The following LHX1 variants were observed in gnomAD, a reference collection of about 807,000 sequenced individuals.
The protein encoded by LHX1 is LIM/homeobox protein Lhx1.
In LHX1, 9 loss-of-function variants were observed where a neutral mutation model predicts 34.1. That is an observed-to-expected ratio of 0.26 (90% CI 0.16 to 0.46). The LOEUF is 0.46. LHX1 is among the 20% of genes least tolerant of loss of function. LHX1 has a pLI of 1.00. For missense variants in LHX1, 446 were observed against 559.1 expected, an observed-to-expected ratio of 0.80 and a Z score of 2.04; for synonymous variants, 254 against 241.5, an observed-to-expected ratio of 1.05 and a Z score of -0.48.
Position 36,943,308 on chromosome 17 carries a change from C to A in LHX1, c.*177C>A. The A allele has an allele frequency of 1.3e-6, 1 of 773,574 alleles. No individual in the cohort carries two copies. The highest frequency in any genetic ancestry group is 2.0e-6 in the Non-Finnish European group (1 of 509,366). 47.9% of individuals were successfully genotyped at this position (773,574 alleles called of 1,614,324 possible). A position where few individuals can be genotyped will look rare whatever the true frequency, so the allele number is the denominator to read the frequency against. Reference sequence around the variant, plus strand: ...GGGGGACACGAAATAGGATCCAAATCGGCCTCGAGGTGGGACTGGGATCCG... The same window carrying A: ...GGGGGACACGAAATAGGATCCAAATAGGCCTCGAGGTGGGACTGGGATCCG... On this transcript the variant is annotated 3_prime_UTR_variant, in exon 5 of 5. Transcript: ENST00000614239.
At chr17:36,940,260 C>CGGGGGGGGGG in intron 1 of LHX1, 30 bp from the exon 2 acceptor site, 1 of 382,758 alleles carries the variant, frequency 2.6e-6, no homozygotes, top group Non-Finnish European at 4.8e-6. Context: ...CCCATCCCCG[C>CGGGGGGGGGG]CCCCGCCCCC....
chr17:36,943,007 A>C lies in LHX1; in HGVS notation c.1097A>C (p.His366Pro). 1 of 1,609,750 alleles carries C rather than the reference A, an allele frequency of 6.2e-7. No homozygotes were observed. Among genetic ancestry groups the C allele is most frequent in the Non-Finnish European group, 8.5e-7 (1 of 1,178,384 alleles). The change falls in exon 5 of 5, where the codon CAC becomes CCC. Residue 366 changes from histidine (H) to proline (P), a missense_variant. Coordinates refer to ENST00000614239, the MANE Select transcript of LHX1 (RefSeq NM_005568.5). Reference sequence around the variant, plus strand: ...GAGCCCAGCCTGCCCGGGCCTCTGCACTCCATGTCGGCCGAGGTCTTCGGA... The same window carrying C: ...GAGCCCAGCCTGCCCGGGCCTCTGCCCTCCATGTCGGCCGAGGTCTTCGGA... ...SPEPSLPGPL[H>P]SMSAEVFGPS...
At chr17:36,941,205 C>A (rs545123811) in intron 3 of LHX1, 2 of 636,778 alleles carry the variant, frequency 3.1e-6, no homozygotes, top group Non-Finnish European at 5.8e-6. Context: ...ACATACCCCA[C>A]CCCACCTCGG....
Position 36,937,805 on chromosome 17 carries a change from C to G in LHX1, c.-393C>G. On this transcript the variant is annotated 5_prime_UTR_variant, in exon 1 of 5. Transcript: ENST00000614239. Reference sequence around the variant, plus strand: ...CAACCCGAGCTCGGCGAGTCGTCGTCTTCTTCTTCTCCGTTTTTATTTATT... The same window carrying G: ...CAACCCGAGCTCGGCGAGTCGTCGTGTTCTTCTTCTCCGTTTTTATTTATT... 2.1e-6 allele frequency: 1 copy of G among 486,094 alleles called. No individual in the cohort carries two copies. Among genetic ancestry groups the G allele is most frequent in the Non-Finnish European group, 4.0e-6 (1 of 247,388 alleles). The allele number at this position is 486,094 out of a possible 1,614,324, so 30.1% of individuals were successfully genotyped here.
chr17:36,937,245 G>A (rs924108476), upstream of LHX1: 5 of 451,876 alleles, frequency 1.1e-5, no homozygotes, highest in Non-Finnish European at 2.2e-5. Flanking sequence ...GGCCAGGCGC[G>A]GTGAGAAGCC....
At position 36,943,053 on chromosome 17, in the gene LHX1, GCTGT is replaced by G; in HGVS notation, c.1145_1148del (p.Leu382ArgfsTer18). On this transcript the variant is annotated frameshift_variant, in exon 5 of 5. Coordinates refer to ENST00000614239, the MANE Select transcript of LHX1 (RefSeq NM_005568.5). LOFTEE classifies it high-confidence loss of function. ...TCGGACCCAGCCCGCCCTTCTCGTC[GCTGT>G]CGGTCAACGGTGGGGCGAGCTACGG... 1 of 1,606,644 alleles carries G rather than the reference GCTGT, an allele frequency of 6.2e-7. No homozygotes were observed. The highest frequency in any genetic ancestry group is 8.5e-7 in the Non-Finnish European group (1 of 1,175,218).
Position 36,943,906 on chromosome 17 carries a change from G to C in LHX1, c.*775G>C, listed in dbSNP as rs1014388827. 1 of 141,634 alleles carries C rather than the reference G, an allele frequency of 7.1e-6. No individual in the cohort carries two copies. The highest frequency in any genetic ancestry group is 1.5e-5 in the Non-Finnish European group (1 of 66,048). The allele number at this position is 141,634 out of a possible 1,614,324, so 8.8% of individuals were successfully genotyped here. Reference sequence around the variant, plus strand: ...CTTGAACATCAGCTGTACAAGAAAAGTATTCTACCTTCACACACAAAAAGT... The same window carrying C: ...CTTGAACATCAGCTGTACAAGAAAACTATTCTACCTTCACACACAAAAAGT... On this transcript the variant is annotated 3_prime_UTR_variant, in exon 5 of 5. Coordinates refer to ENST00000614239, the MANE Select transcript of LHX1 (RefSeq NM_005568.5).
upstream of LHX1, chr17:36,937,048 A>G: frequency 3.5e-6 from 1 of 288,992 alleles, no homozygotes; most frequent in Non-Finnish European, 6.9e-6. Context: ...AAAACAAAAA[A>G]AAAAAAAGGA....
chr17:36,942,463 C>T (rs1292243580), intron 4 of LHX1, 98 bp downstream of exon 4: 6 of 1,316,620 alleles, frequency 4.6e-6, no homozygotes, highest in Middle Eastern at 5.1e-4. Context: ...CTCTGTAAGC[C>T]ACTGGAGAGT....
At chr17:36,939,713 G>T (rs1338721021) in intron 1 of LHX1, among the ~76,000 whole-genome samples, 1 of 152,228 alleles carries the variant, frequency 6.6e-6, no homozygotes, top group Non-Finnish European at 1.5e-5. Context: ...AGGCAAGAGC[G>T]TGGCGGCGGC....
Position 36,943,306 on chromosome 17 carries a change from A to G in LHX1, c.*175A>G, listed in dbSNP as rs1331021432. On this transcript the variant is annotated 3_prime_UTR_variant, in exon 5 of 5. Transcript: ENST00000614239. ...AAGGGGGACACGAAATAGGATCCAA[A>G]TCGGCCTCGAGGTGGGACTGGGATC... is the stretch of plus-strand genomic sequence containing the variant. 6 of 734,710 alleles carry G rather than the reference A, an allele frequency of 8.2e-6. No homozygotes were observed. Among genetic ancestry groups the G allele is most frequent in the Non-Finnish European group, 1.3e-5 (6 of 477,998 alleles). 45.5% of individuals were successfully genotyped at this position (734,710 alleles called of 1,614,324 possible).
At position 36,940,709 on chromosome 17, in the gene LHX1, C is replaced by A. The variant is rs1201092320; in HGVS notation, c.497C>A (p.Ala166Glu). 1 of 1,613,654 alleles carries A rather than the reference C, an allele frequency of 6.2e-7. No homozygotes were observed. The highest frequency in any genetic ancestry group is 8.5e-7 in the Non-Finnish European group (1 of 1,180,052). The change falls in exon 3 of 5, where the codon GCG (alanine) becomes GAG (glutamate). Residue 166 changes from alanine to glutamate, a missense_variant. Transcript: ENST00000614239. ...AGCGCCAACGTGTCGGACAAGGAAGCGGGTAGCAACGAGAATGACGACCAG... is the reference window on the plus strand; with the variant it reads ...AGCGCCAACGTGTCGGACAAGGAAGAGGGTAGCAACGAGAATGACGACCAG... The part of the protein sequence containing the change: ...SESANVSDKE[A>E]GSNENDDQNL...
At chr17:36,938,399 A>G (rs1300870797) in intron 1 of LHX1, 32 bp downstream of exon 1, 1 of 1,609,746 alleles carries the variant, frequency 6.2e-7, no homozygotes. Flanking sequence ...CTCTGCTGCT[A>G]CCTCCCCGCG....
At chr17:36,942,463 C>A in intron 4 of LHX1, 98 bp downstream of exon 4, 2 of 1,316,734 alleles carry the variant, frequency 1.5e-6, no homozygotes, top group Non-Finnish European at 1.1e-6. Flanking sequence ...CTCTGTAAGC[C>A]ACTGGAGAGT....
chr17:36,937,194 C>G (rs1329637468), upstream of LHX1: 2 of 453,068 alleles, frequency 4.4e-6, no homozygotes, highest in Non-Finnish European at 8.9e-6. Context: ...CGGGGCTGTG[C>G]GCCCAGGCGG....
intron 1 of LHX1, 141 bp from the exon 2 acceptor site, chr17:36,940,149 C>G (rs2070754689): frequency 1.5e-6 from 1 of 647,798 alleles, no homozygotes; most frequent in African/African-American, 1.8e-5. Flanking sequence ...TCCCTTCTTT[C>G]TGTGCTCCAT....
chr17:36,938,736 G>C, intron 1 of LHX1: 1 of 397,866 alleles, frequency 2.5e-6, no homozygotes, highest in Non-Finnish European at 4.8e-6. Flanking sequence ...CCAGGCCTTC[G>C]GGGTTGTTTG....
chr17:36,942,446 C>A, intron 4 of LHX1, 81 bp downstream of exon 4: 1 of 1,421,250 alleles, frequency 7.0e-7, no homozygotes, highest in Non-Finnish European at 9.6e-7. Flanking sequence ...GGGGGGCACG[C>A]CTCGCTCTCT....
rs2070738079 is a variant in LHX1, at chr17:36,937,869, C to T, written c.-329C>T. Reference sequence around the variant, plus strand: ...GCCGCCGTTCTCGCTGACCTTCACTCCTCCGCGGGCTCTGAGCAGAAGGGT... The same window carrying T: ...GCCGCCGTTCTCGCTGACCTTCACTTCTCCGCGGGCTCTGAGCAGAAGGGT... On this transcript the variant is annotated 5_prime_UTR_variant, in exon 1 of 5. Coordinates refer to ENST00000614239, the MANE Select transcript of LHX1 (RefSeq NM_005568.5). The T allele has an allele frequency of 1.7e-6, 1 of 601,986 alleles. No homozygotes were observed. The highest frequency in any genetic ancestry group is 3.1e-6 in the Non-Finnish European group (1 of 321,374). The allele number at this position is 601,986 out of a possible 1,614,324, so 37.3% of individuals were successfully genotyped here. A position where few individuals can be genotyped will look rare whatever the true frequency, so the allele number is the denominator to read the frequency against.
Sources: gnomAD v4.1 joint callset for allele counts (sites outside exome capture counted in the v4.1 genomes callset) on GRCh38, gnomAD v4.1.1 for gene constraint, MANE v1.5 for transcripts, NCBI Gene and HGNC (gene_info 2026-07-23, HGNC 2026-07-21) for gene names.